Variants in ZNF765 observed in about 807,000 individuals in gnomAD.
ZNF765 encodes the protein zinc finger protein 765.
A neutral mutation model predicts 44.7 loss-of-function variants in ZNF765; 37 were observed. The observed-to-expected ratio is 0.83, with a 90% CI of 0.64 to 1.09. ZNF765 has a LOEUF of 1.09. Ranked by LOEUF, ZNF765 falls within the 50% of genes least tolerant of loss-of-function variation. The pLI, the probability that ZNF765 is intolerant of heterozygous loss-of-function variation, is 0.00. For missense variants in ZNF765, 594 were observed against 626.1 expected (o/e 0.95, Z 0.55); for synonymous variants, 201 against 213.7 (o/e 0.94, Z 0.52).
Position 53,408,042 on chromosome 19 carries a change from C to G in ZNF765, c.487C>G (p.Gln163Glu), listed in dbSNP as rs1424889112. 3 of 1,614,190 alleles carry G rather than the reference C, an allele frequency of 1.9e-6. No homozygotes were observed. The highest frequency in any genetic ancestry group is 1.7e-6 in the Non-Finnish European group (2 of 1,180,020). Residue 163 changes from glutamine (Q) to glutamate (E), a missense_variant, in exon 4 of 4, where the codon CAA becomes GAA. Transcript: ENST00000396408. ...IFHTEEKIDN[Q>E]VVKSIHDASL... ...TCACACTGAAGAGAAAATTGATAATCAAGTTGTGAAGTCTATCCACGATGC... is the reference window on the plus strand; with the variant it reads ...TCACACTGAAGAGAAAATTGATAATGAAGTTGTGAAGTCTATCCACGATGC...
intron 2 of ZNF765, 111 bp downstream of exon 2, chr19:53,398,141 G>T (rs2085688912): frequency 6.3e-7 from 1 of 1,575,218 alleles, no homozygotes; most frequent in East Asian, 2.2e-5. Flanking sequence ...AGGTTTGCTC[G>T]CACTCACCCA....
chr19:53,408,901 T>G lies in ZNF765; in HGVS notation c.1346T>G (p.Phe449Cys), dbSNP rs777598347. ...KCEECDKAYS[F>C]KSNLEIHQKI... ...GAAGAATGTGACAAAGCCTACAGTTTCAAATCAAACCTTGAAATACATCAG... is the reference window on the plus strand; with the variant it reads ...GAAGAATGTGACAAAGCCTACAGTTGCAAATCAAACCTTGAAATACATCAG... Residue 449 changes from phenylalanine (F) to cysteine (C), a missense_variant, in exon 4 of 4, where the codon TTC (phenylalanine) becomes TGC (cysteine). Transcript: ENST00000396408. 1 of 1,611,816 alleles carries G rather than the reference T, an allele frequency of 6.2e-7. No individual in the cohort carries two copies. Among genetic ancestry groups the G allele is most frequent in the South Asian group, 1.1e-5 (1 of 90,988 alleles).
downstream of ZNF765, among the ~76,000 whole-genome samples, chr19:53,412,472 A>C (rs536105061): frequency 3.3e-5 from 5 of 152,290 alleles, no homozygotes; most frequent in South Asian, 1.0e-3. Flanking sequence ...ATTATGAGAA[A>C]ATTGTGCATG....
At chr19:53,398,574 A>T (rs771668582) in intron 2 of ZNF765, among the ~76,000 whole-genome samples, 91 of 152,168 alleles carry the variant, frequency 6.0e-4, no homozygotes, top group Non-Finnish European at 1.2e-3. Context: ...ATGATACAAG[A>T]TGTTTTATTC....
At chr19:53,399,334 A>G (rs538180879) in intron 2 of ZNF765, among the ~76,000 whole-genome samples, 20 of 150,426 alleles carry the variant, frequency 1.3e-4, no homozygotes, top group Non-Finnish European at 2.8e-4. Context: ...GCAAAGCTGC[A>G]GCTTAGACCC....
intron 3 of ZNF765, among the ~76,000 whole-genome samples, chr19:53,418,910 G>GAAAAAAA (rs34443506): frequency 3.1e-5 from 3 of 96,848 alleles, no homozygotes; most frequent in Non-Finnish European, 6.0e-5. Context: ...GTTGTGGGAG[G>GAAAAAAA]AAAAAAAAAA....
At chr19:53,421,170 A>G (rs1446742224) in intron 3 of ZNF765, among the ~76,000 whole-genome samples, 2 of 152,200 alleles carry the variant, frequency 1.3e-5, no homozygotes, top group African/African-American at 4.8e-5. Flanking sequence ...GTACGTGCGC[A>G]TCAAAGCACA....
chr19:53,403,450 T>TTTTG (rs925575010), intron 3 of ZNF765, among the ~76,000 whole-genome samples: 1 of 152,234 alleles, frequency 6.6e-6, no homozygotes, highest in African/African-American at 2.4e-5. Context: ...TCTTATTGAC[T>TTTTG]TTTGTTTGTT....
At chr19:53,403,659 C>CA (rs1159599975) in intron 3 of ZNF765, among the ~76,000 whole-genome samples, 11 of 152,302 alleles carry the variant, frequency 7.2e-5, no homozygotes, top group African/African-American at 2.4e-4. Context: ...GCCTGCCTAA[C>CA]ATGGCGAAAC....
rs138842732 is a variant in ZNF765 at position 53,400,253 on chromosome 19, C to G, written c.16-1812C>G. Among the ~76,000 whole-genome samples, 1,058 of 152,252 alleles carry G rather than the reference C, an allele frequency of 6.9e-3. 13 individuals carry two copies. Among genetic ancestry groups the G allele is most frequent in the African/African-American group, 0.023 (972 of 41,546 alleles). ...TGCTGGTTGTGAAAATTTACATGTT[C>G]TCATGTTAGTAAACGTGGATAGCTT... On this transcript the variant is annotated intron_variant, in intron 2 of 3. Transcript: ENST00000396408.
At chr19:53,421,467 T>C (rs1439398227) in intron 3 of ZNF765, among the ~76,000 whole-genome samples, 4 of 152,220 alleles carry the variant, frequency 2.6e-5, no homozygotes, top group African/African-American at 9.6e-5. Context: ...TCCACAGGTG[T>C]AGAGGGGCTG....
In ZNF765 at chr19:53,420,572, T is replaced by C. The variant is rs2617637; in HGVS notation, c.143-2490T>C. ...AGAGATCAGACTCTTACTGTGTCTATGTAGAAAGAAGTAGACATAAGAGAC... is the reference window on the plus strand; with the variant it reads ...AGAGATCAGACTCTTACTGTGTCTACGTAGAAAGAAGTAGACATAAGAGAC... On this transcript the variant is annotated intron_variant, in intron 3 of 3. Coordinates refer to the ZNF765 transcript ENST00000594030. Among the ~76,000 whole-genome samples the C allele has an allele frequency of 3.0e-3, 464 of 152,284 alleles. 3 individuals are homozygous for C. Among genetic ancestry groups the C allele is most frequent in the African/African-American group, 0.01 (419 of 41,560 alleles).
At chr19:53,414,489 ACCCCCCCCCC>A (rs1160212994), downstream of ZNF765, among the ~76,000 whole-genome samples, 23 of 5,092 alleles carry the variant, frequency 4.5e-3, 1 homozygote, top group East Asian at 0.02. Context: ...ACACACACAC[ACCCCCCCCCC>A]CCCCCCCCCC....
At chr19:53,405,902 ACTATATATATATATATATAT>A (rs2085768344) in intron 3 of ZNF765, among the ~76,000 whole-genome samples, 1 of 37,034 alleles carries the variant, frequency 2.7e-5, no homozygotes, top group Admixed American at 3.6e-4. Flanking sequence ...ATTAATACCA[ACTATATATATATATATATAT>A]ATATATATAT....
In ZNF765 at chr19:53,410,191, A is replaced by G. The variant is rs1462492448; in HGVS notation, c.*1064A>G. On this transcript the variant is annotated 3_prime_UTR_variant, in exon 4 of 4. Coordinates refer to ENST00000396408, the MANE Select transcript of ZNF765 (RefSeq NM_001040185.3). ...ACCTTAGCAGTGTAATGAACGTGGC[A>G]AGGTTTTAAATCAAAAAGCAAAGCT... is the stretch of plus-strand genomic sequence containing the variant. 5 of 375,036 alleles carry G rather than the reference A, an allele frequency of 1.3e-5. No individual in the cohort carries two copies. Among genetic ancestry groups the G allele is most frequent in the Non-Finnish European group, 2.7e-5 (5 of 184,236 alleles). The allele number at this position is 375,036 out of a possible 1,614,324, so 23.2% of individuals were successfully genotyped here.
chr19:53,398,099 A>C, intron 2 of ZNF765, 69 bp downstream of exon 2: 2 of 1,612,256 alleles, frequency 1.2e-6, no homozygotes, highest in South Asian at 2.2e-5. Flanking sequence ...GGAGTTTGGA[A>C]TCTTCTCTGA....
In ZNF765 at chr19:53,400,671, A is replaced by G. The variant is rs148251414; in HGVS notation, c.16-1394A>G. Among the ~76,000 whole-genome samples the G allele has an allele frequency of 2.5e-3, 382 of 151,624 alleles. 2 individuals carry two copies. Among genetic ancestry groups the G allele is most frequent in the African/African-American group, 8.8e-3 (362 of 41,308 alleles). On this transcript the variant is annotated intron_variant, in intron 2 of 3. Coordinates refer to ENST00000396408, the MANE Select transcript of ZNF765 (RefSeq NM_001040185.3). Reference sequence around the variant, plus strand: ...TGCACAAATATATATATTTTGAACAACTTTTCCATTTTGAAAATCTGGGGA... The same window carrying G: ...TGCACAAATATATATATTTTGAACAGCTTTTCCATTTTGAAAATCTGGGGA...
chr19:53,414,509 C>T (rs1600064310), downstream of ZNF765, among the ~76,000 whole-genome samples: 2 of 59,512 alleles, frequency 3.4e-5, no homozygotes, highest in East Asian at 6.4e-4. Flanking sequence ...CCCCCCCCCC[C>T]GGGGAAAAGC....
chr19:53,395,411 A>G (rs375229430), intron 1 of ZNF765, among the ~76,000 whole-genome samples: 14 of 152,246 alleles, frequency 9.2e-5, no homozygotes, highest in African/African-American at 2.4e-4. Context: ...CTATAGGGCA[A>G]TGTATACACT....
Sources: allele counts gnomAD v4.1 joint callset (sites outside exome capture counted in the v4.1 genomes callset), GRCh38; gene constraint gnomAD v4.1.1; transcripts MANE v1.5; gene names NCBI Gene and HGNC (gene_info 2026-07-23, HGNC 2026-07-21).